Variants in RYR2 observed in about 807,000 individuals in gnomAD.
RYR2 encodes cardiac muscle ryanodine receptor-calcium release channel.
A neutral mutation model predicts 601.1 loss-of-function variants in RYR2; 227 were observed. The observed-to-expected ratio is 0.38, with a 90% CI of 0.34 to 0.42. RYR2 has a LOEUF of 0.42. Among genes scored for constraint, RYR2 ranks in the 10% least tolerant of loss-of-function variants. The probability of loss-of-function intolerance (pLI) is 1.00; values close to 1 mark genes in which losing one functional copy is unlikely to be tolerated. For synonymous variants in RYR2, 2,223 were observed against 2,175.1 expected (o/e 1.02, Z -0.61); for missense variants, 4,646 against 6,156.5 (o/e 0.75, Z 8.21).
intron 92 of RYR2, among the ~76,000 whole-genome samples, chr1:237,791,144 C>A (rs1354630408): frequency 6.6e-6 from 1 of 152,190 alleles, no homozygotes; most frequent in Admixed American, 6.5e-5. Context: ...TAAAATAGCA[C>A]CCCTATTCCC....
chr1:237,792,398 C>CATGTGTGTGTGTGTGCAT, intron 94 of RYR2, 75 bp downstream of exon 94: 1 of 487,498 alleles, frequency 2.1e-6, no homozygotes, highest in South Asian at 4.7e-5. Context: ...TGTGTGTGTG[C>CATGTGTGTGTGTGTGCAT]GTGTGTGTGT....
intron 74 of RYR2, 34 bp downstream of exon 74, chr1:237,723,296 T>C: frequency 6.4e-7 from 1 of 1,570,764 alleles, no homozygotes; most frequent in Non-Finnish European, 8.7e-7. Flanking sequence ...CATATTTGCC[T>C]TAGCCACATA....
intron 8 of RYR2, among the ~76,000 whole-genome samples, chr1:237,386,592 A>T (rs532536465): frequency 6.6e-6 from 1 of 152,340 alleles, no homozygotes; most frequent in African/African-American, 2.4e-5. Flanking sequence ...GATGAGTAAA[A>T]TAAGCAAGTA....
intron 1 of RYR2, among the ~76,000 whole-genome samples, chr1:237,089,747 A>G (rs1288092850): frequency 4.6e-5 from 7 of 152,368 alleles, no homozygotes; most frequent in African/African-American, 1.7e-4. Context: ...GCTGAAATGC[A>G]AAATGCAAGT....
chr1:237,436,454 C>CTTTTTTTTTTTT lies in RYR2; in HGVS notation c.1006-4852_1006-4841dup, dbSNP rs551140501. ...AGCCGAGGGATAATGTGTGATTTTC[C>CTTTTTTTTTTTT]TTTTTTTTTTTTTTTTTTTTTTTTG... On this transcript the variant is annotated intron_variant, in intron 12 of 104. Transcript: ENST00000366574. Among the ~76,000 whole-genome samples the CTTTTTTTTTTTT allele has an allele frequency of 6.0e-4, 29 of 48,724 alleles. 6 individuals are homozygous for CTTTTTTTTTTTT. Among genetic ancestry groups the CTTTTTTTTTTTT allele is most frequent in the East Asian group, 1.6e-3 (2 of 1,268 alleles). The allele number at this position is 48,724 out of a possible 152,430, so 32.0% of individuals were successfully genotyped here. A position where few individuals can be genotyped will look rare whatever the true frequency, so the allele number is the denominator to read the frequency against.
At chr1:237,705,035 G>T (rs747911286) in intron 66 of RYR2, among the ~76,000 whole-genome samples, 178 bp from the exon 67 acceptor site, 1 of 151,986 alleles carries the variant, frequency 6.6e-6, no homozygotes, top group Non-Finnish European at 1.5e-5. Flanking sequence ...TTTTTCAAAT[G>T]GTGAGGATAT....
Position 237,705,357 on chromosome 1 carries a change from A to G in RYR2, c.9580+14A>G. ...GAGAAAGAGCAGGTAACACAGAAAC[A>G]TGTGCAGTGCTTTGAGATATGAAGC... On this transcript the variant is annotated intron_variant, in intron 67 of 104. Coordinates refer to ENST00000366574, the MANE Select transcript of RYR2 (RefSeq NM_001035.3). 6.3e-7 allele frequency: 1 copy of G among 1,596,702 alleles called. No homozygotes were observed. Among genetic ancestry groups the G allele is most frequent in the South Asian group, 1.1e-5 (1 of 88,620 alleles).
intron 62 of RYR2, among the ~76,000 whole-genome samples, chr1:237,680,961 C>T (rs533464801): frequency 7.9e-5 from 12 of 152,168 alleles, no homozygotes; most frequent in African/African-American, 2.7e-4. Context: ...GAAGAAAACC[C>T]CACATATACA....
intron 98 of RYR2, among the ~76,000 whole-genome samples, chr1:237,805,613 G>A (rs1188787465): frequency 3.5e-5 from 5 of 143,388 alleles, no homozygotes; most frequent in South Asian, 4.6e-4. Flanking sequence ...AAAGTATAGT[G>A]TACGAAGATG....
At chr1:237,267,589 TG>T in intron 1 of RYR2, 1 of 309,816 alleles carries the variant, frequency 3.2e-6, no homozygotes, top group South Asian at 2.3e-5. Context: ...ATATATTTTC[TG>T]GGTCCCTTTC....
intron 1 of RYR2, among the ~76,000 whole-genome samples, chr1:237,254,829 G>A (rs1192540134): frequency 1.3e-5 from 2 of 152,174 alleles, no homozygotes; most frequent in African/African-American, 4.8e-5. Flanking sequence ...CTGATCCTAA[G>A]GGGCCAGCCT....
At chr1:237,609,945 G>A (rs627287) in intron 35 of RYR2, among the ~76,000 whole-genome samples, 18 of 152,216 alleles carry the variant, frequency 1.2e-4, no homozygotes, top group South Asian at 4.2e-4. Context: ...GTTTTTCCCC[G>A]CCTATTGTTA....
intron 13 of RYR2, among the ~76,000 whole-genome samples, chr1:237,444,785 T>C (rs60284110): frequency 0.044 from 6,716 of 152,274 alleles, 474 homozygotes; most frequent in African/African-American, 0.15. Flanking sequence ...TATAGTTTCA[T>C]AGAAAGTTCA....
At chr1:237,142,501 A>G (rs1248486676) in intron 1 of RYR2, among the ~76,000 whole-genome samples, 1 of 152,162 alleles carries the variant, frequency 6.6e-6, no homozygotes, top group Non-Finnish European at 1.5e-5. Context: ...AGGATAAAGG[A>G]GAATACCCAG....
chr1:237,580,895 C>A (rs1256601704), intron 29 of RYR2, among the ~76,000 whole-genome samples: 1 of 152,122 alleles, frequency 6.6e-6, no homozygotes, highest in South Asian at 2.1e-4. Flanking sequence ...TCAGGAGAAA[C>A]GAAGCCTGCT....
At chr1:237,402,265 G>A (rs1703416898) in intron 10 of RYR2, among the ~76,000 whole-genome samples, 1 of 151,598 alleles carries the variant, frequency 6.6e-6, no homozygotes, top group South Asian at 2.1e-4. Flanking sequence ...GCTGGGTATG[G>A]CAAGTGGAGA....
rs772615447 is a variant in RYR2, at chr1:237,454,349, G to A, written c.1293-42G>A. On this transcript the variant is annotated intron_variant, in intron 14 of 104. Transcript: ENST00000366574. ...CTATAAATGGAAAAATGATAAAATT[G>A]TGAATCACTGACAATAGAGAAATGT... The A allele has an allele frequency of 4.5e-6, 7 of 1,541,672 alleles. No individual in the cohort carries two copies. The South Asian group carries it at 8.8e-5, about 19-fold the overall frequency.
chr1:237,754,174 A>G (rs1281607304), intron 80 of RYR2, among the ~76,000 whole-genome samples: 1 of 149,682 alleles, frequency 6.7e-6, no homozygotes, highest in East Asian at 1.9e-4. Flanking sequence ...TTTTCAAATG[A>G]CTTTCATCAT....
At chr1:237,461,545 T>C (rs1223571469) in intron 16 of RYR2, among the ~76,000 whole-genome samples, 1 of 152,172 alleles carries the variant, frequency 6.6e-6, no homozygotes, top group East Asian at 1.9e-4. Context: ...ACCTCTGATG[T>C]CGCTGATTCT....
Sources: gnomAD v4.1 joint callset for allele counts (sites outside exome capture counted in the v4.1 genomes callset) on GRCh38, gnomAD v4.1.1 for gene constraint, MANE v1.5 for transcripts, NCBI Gene and HGNC (gene_info 2026-07-23, HGNC 2026-07-21) for gene names.